LRRC8B: variants seen among roughly 807,000 people sequenced by gnomAD.
The protein encoded by LRRC8B is leucine rich repeat containing 8 VRAC subunit B.
In LRRC8B, 23 loss-of-function variants were observed where a neutral mutation model predicts 58.8. The observed-to-expected ratio is 0.39, with a 90% CI of 0.28 to 0.55. The LOEUF is 0.55. LRRC8B is among the 20% of genes least tolerant of loss of function. LRRC8B has a pLI of 0.62. For missense variants in LRRC8B, 694 were observed against 936.0 expected (o/e 0.74, Z 3.37); for synonymous variants, 359 against 374.1 (o/e 0.96, Z 0.47).
At chr1:89,525,750 G>A (rs1226608650) in intron 1 of LRRC8B, among the ~76,000 whole-genome samples, 1 of 152,122 alleles carries the variant, frequency 6.6e-6, no homozygotes, top group African/African-American at 2.4e-5. Flanking sequence ...TTAGTTAGAT[G>A]ACATTTGTGG....
intron 1 of LRRC8B, among the ~76,000 whole-genome samples, chr1:89,541,371 A>G (rs1335411746): frequency 2.0e-5 from 3 of 152,174 alleles, no homozygotes; most frequent in African/African-American, 7.2e-5. Flanking sequence ...CACTGTGAAC[A>G]TAGAAAGTAG....
At position 89,582,971 on chromosome 1, in the gene LRRC8B, C is replaced by T. The variant is rs142030054; in HGVS notation, c.321C>T (p.Ala107=). Residue 107 remains alanine (A), a synonymous_variant, in exon 5 of 6, where the codon GCC becomes GCT. Coordinates refer to ENST00000330947, the MANE Select transcript of LRRC8B (RefSeq NM_001369817.2). Reference sequence around the variant, plus strand: ...GACAGCAGTACTCCTATATTGATGCCGTCTGTTACGAGAAACAGCTCCATT... The same window carrying T: ...GACAGCAGTACTCCTATATTGATGCTGTCTGTTACGAGAAACAGCTCCATT... ...LHRQQYSYID[A]VCYEKQLHWF... 78 of 1,614,166 alleles carry T rather than the reference C, an allele frequency of 4.8e-5. No individual in the cohort carries two copies. Among genetic ancestry groups the T allele is most frequent in the African/African-American group, 3.1e-4 (23 of 75,028 alleles).
At chr1:89,588,935 T>C (rs1220928176) in intron 5 of LRRC8B, among the ~76,000 whole-genome samples, 1 of 152,190 alleles carries the variant, frequency 6.6e-6, no homozygotes, top group African/African-American at 2.4e-5. Context: ...AAAAGAATGT[T>C]TTGTGACCCG....
chr1:89,593,243 G>T lies in LRRC8B; in HGVS notation c.*200G>T, dbSNP rs750856307. On this transcript the variant is annotated 3_prime_UTR_variant, in exon 6 of 6. Transcript: ENST00000330947. ...TACAAAAAAATTAGCCAGGCGTGGT[G>T]GCGTGCGCCTGTAATCCCAGCTACT... is the stretch of plus-strand genomic sequence containing the variant. 3.3e-4 allele frequency: 175 copies of T among 530,408 alleles called. No individual in the cohort carries two copies. Among genetic ancestry groups the T allele is most frequent in the Non-Finnish European group, 4.8e-4 (142 of 298,024 alleles). The allele number at this position is 530,408 out of a possible 1,614,324, so 32.9% of individuals were successfully genotyped here.
intron 1 of LRRC8B, among the ~76,000 whole-genome samples, chr1:89,562,309 A>C (rs1043574560): frequency 4.6e-5 from 7 of 151,930 alleles, no homozygotes; most frequent in Non-Finnish European, 1.0e-4. Context: ...GAAGATTAAC[A>C]GGAGGATCAA....
intron 1 of LRRC8B, among the ~76,000 whole-genome samples, chr1:89,534,545 T>C (rs1002669495): frequency 3.3e-5 from 5 of 150,548 alleles, no homozygotes; most frequent in Middle Eastern, 3.4e-3. Flanking sequence ...ACACACTCAG[T>C]ATACTTGTTT....
chr1:89,540,545 T>TGAAA (rs1294662574), intron 1 of LRRC8B, among the ~76,000 whole-genome samples: 10 of 152,152 alleles, frequency 6.6e-5, no homozygotes, highest in Non-Finnish European at 1.5e-4. Flanking sequence ...GTGACACGAA[T>TGAAA]GAAAGAACAA....
At chr1:89,532,415 C>G (rs933856013) in intron 1 of LRRC8B, among the ~76,000 whole-genome samples, 1 of 152,148 alleles carries the variant, frequency 6.6e-6, no homozygotes, top group African/African-American at 2.4e-5. Context: ...GTGTCCCCAC[C>G]CAAATCTCAT....
intron 3 of LRRC8B, among the ~76,000 whole-genome samples, chr1:89,571,130 G>GA (rs1375124079): frequency 1.3e-5 from 2 of 152,128 alleles, no homozygotes; most frequent in African/African-American, 2.4e-5. Flanking sequence ...AGTATAGTTT[G>GA]AAGTTTAGCA....
intron 1 of LRRC8B, among the ~76,000 whole-genome samples, chr1:89,565,137 A>G (rs1285198712): frequency 1.3e-5 from 2 of 152,232 alleles, no homozygotes; most frequent in East Asian, 3.8e-4. Context: ...TCAGGAGACT[A>G]GAAAGGTCTT....
intron 5 of LRRC8B, among the ~76,000 whole-genome samples, chr1:89,590,927 C>A (rs144952684): frequency 1.3e-3 from 193 of 152,216 alleles, no homozygotes; most frequent in Middle Eastern, 6.8e-3. Context: ...TTGGTTGTCA[C>A]AACTGGGAAG....
At chr1:89,581,071 C>A (rs1278245684) in intron 4 of LRRC8B, among the ~76,000 whole-genome samples, 2 of 152,046 alleles carry the variant, frequency 1.3e-5, no homozygotes, top group Non-Finnish European at 2.9e-5. Context: ...GTGGGCAGAT[C>A]ATGAGGTCAG....
intron 1 of LRRC8B, among the ~76,000 whole-genome samples, chr1:89,549,202 C>T (rs1348698201): frequency 6.6e-6 from 1 of 152,116 alleles, no homozygotes; most frequent in African/African-American, 2.4e-5. Flanking sequence ...GTAGGAAAAA[C>T]AAAACCAGAG....
chr1:89,528,511 T>A (rs983480501), intron 1 of LRRC8B, among the ~76,000 whole-genome samples: 2 of 152,230 alleles, frequency 1.3e-5, no homozygotes, highest in Non-Finnish European at 2.9e-5. Context: ...CTTCATAGAC[T>A]GACAGGCCTG....
intron 1 of LRRC8B, among the ~76,000 whole-genome samples, chr1:89,539,780 C>A (rs1243599416): frequency 6.6e-6 from 1 of 152,178 alleles, no homozygotes; most frequent in Non-Finnish European, 1.5e-5. Context: ...TCTCCCACTT[C>A]AAGGTACTTA....
At chr1:89,536,695 G>A (rs78703877) in intron 1 of LRRC8B, among the ~76,000 whole-genome samples, 2,275 of 152,240 alleles carry the variant, frequency 0.015, 27 homozygotes, top group Non-Finnish European at 0.024. Flanking sequence ...CTAGAGAATG[G>A]TTCTTGTTGG....
At chr1:89,553,730 T>G (rs1651979886) in intron 1 of LRRC8B, among the ~76,000 whole-genome samples, 1 of 152,188 alleles carries the variant, frequency 6.6e-6, no homozygotes, top group Non-Finnish European at 1.5e-5. Context: ...TTTTAAAGCG[T>G]AACTATTTTT....
intron 5 of LRRC8B, among the ~76,000 whole-genome samples, chr1:89,585,017 A>G (rs564452899): frequency 1.8e-4 from 27 of 152,356 alleles, no homozygotes; most frequent in Admixed American, 1.6e-3. Flanking sequence ...CTGGCACATA[A>G]TAGTTGCTCA....
intron 1 of LRRC8B, among the ~76,000 whole-genome samples, chr1:89,528,775 A>C (rs963763064): frequency 6.6e-6 from 1 of 152,202 alleles, no homozygotes; most frequent in African/African-American, 2.4e-5. Flanking sequence ...CCCAAGATGG[A>C]GCTTCAGCCA....
Sources: gnomAD v4.1 joint callset for allele counts (sites outside exome capture counted in the v4.1 genomes callset) on GRCh38, gnomAD v4.1.1 for gene constraint, MANE v1.5 for transcripts, NCBI Gene and HGNC (gene_info 2026-07-23, HGNC 2026-07-21) for gene names.